The following PTH2R variants were observed in gnomAD, a reference collection of about 807,000 sequenced individuals.
PTH2R encodes the protein parathyroid hormone 2 receptor, also known as PTH2 receptor.
A neutral mutation model predicts 60.3 loss-of-function variants in PTH2R; 59 were observed. That is an observed-to-expected ratio of 0.98 (90% confidence interval 0.79 to 1.22). The LOEUF (loss-of-function observed/expected upper bound fraction) is 1.22. Among genes scored for constraint, PTH2R ranks in the 50% most tolerant of loss-of-function variants. The probability of loss-of-function intolerance (pLI) is 0.00; values close to 1 mark genes in which losing one functional copy is unlikely to be tolerated. For synonymous variants in PTH2R, 256 were observed against 243.8 expected, an observed-to-expected ratio of 1.05 and a Z score of -0.47; for missense variants, 749 against 682.6, an observed-to-expected ratio of 1.10 and a Z score of -1.08.
At chr2:208,366,931 C>T in intron 1 of PTH2R, among the ~76,000 whole-genome samples, 1 of 152,122 alleles carries the variant, frequency 6.6e-6, no homozygotes, top group Non-Finnish European at 1.5e-5. Flanking sequence ...CAGCTGTAAC[C>T]AAGCCAACTG....
At chr2:208,460,496 A>G (rs562717655) in intron 9 of PTH2R, among the ~76,000 whole-genome samples, 1 of 152,280 alleles carries the variant, frequency 6.6e-6, no homozygotes, top group South Asian at 2.1e-4. Context: ...GATAGAATTG[A>G]AAGTAATGGC....
intron 1 of PTH2R, among the ~76,000 whole-genome samples, chr2:208,408,575 C>T (rs1333662648): frequency 2.6e-5 from 4 of 151,772 alleles, no homozygotes; most frequent in South Asian, 2.1e-4. Context: ...GCCTGTAATC[C>T]CAGAACTTTG....
At chr2:208,396,232 A>C (rs1701204934) in intron 1 of PTH2R, among the ~76,000 whole-genome samples, 1 of 152,230 alleles carries the variant, frequency 6.6e-6, no homozygotes, top group African/African-American at 2.4e-5. Flanking sequence ...AGGCAATACC[A>C]TTCAGGACAT....
chr2:208,464,159 C>T (rs535685581), intron 9 of PTH2R, among the ~76,000 whole-genome samples: 20 of 152,206 alleles, frequency 1.3e-4, no homozygotes, highest in African/African-American at 4.3e-4. Flanking sequence ...TAAGCTCTCA[C>T]TTTTGTAATT....
chr2:208,479,465 C>T (rs1703095519), intron 9 of PTH2R, among the ~76,000 whole-genome samples: 1 of 152,240 alleles, frequency 6.6e-6, no homozygotes, highest in Admixed American at 6.5e-5. Flanking sequence ...TCCCCAATAT[C>T]TTCACCTCAG....
In PTH2R at chr2:208,464,899, AT is replaced by A. The variant is rs1312890152; in HGVS notation, c.981+4947del. 4.0e-5 allele frequency among the ~76,000 whole-genome samples: 6 copies of A among 151,160 alleles called. No individual in the cohort carries two copies. In the Middle Eastern group the frequency reaches 0.01, roughly 259 times the overall value. The stretch of plus-strand genomic sequence containing the variant: ...TCACACTCATACTAACAGGGTACAC[AT>A]TTTTTTTTCTCTCCACATCCTAGCT... On this transcript the variant is annotated intron_variant, in intron 9 of 12. Transcript: ENST00000272847.
chr2:208,359,941 C>G (rs1700411822), exon 1 of PTH2R: 2 of 245,134 alleles, frequency 8.2e-6, no homozygotes, highest in South Asian at 8.3e-5. Context: ...GGCGCCCAGT[C>G]ACTTCCTCCA....
chr2:208,374,533 C>G (rs1053718467), intron 1 of PTH2R, among the ~76,000 whole-genome samples: 1 of 152,048 alleles, frequency 6.6e-6, no homozygotes, highest in South Asian at 2.1e-4. Flanking sequence ...GATGGAGTTT[C>G]ATTCTTGTCG....
At chr2:208,417,589 C>T (rs1234018910) in intron 1 of PTH2R, among the ~76,000 whole-genome samples, 2 of 118,864 alleles carry the variant, frequency 1.7e-5, no homozygotes, top group East Asian at 6.0e-4. Flanking sequence ...GTCTCACCCT[C>T]TCGCCCAGGC....
chr2:208,482,191 A>C (rs1703167750), intron 10 of PTH2R, among the ~76,000 whole-genome samples: 1 of 152,140 alleles, frequency 6.6e-6, no homozygotes, highest in African/African-American at 2.4e-5. Flanking sequence ...GTCCTCGTTG[A>C]TTTAGTCCTC....
At chr2:208,479,764 G>A (rs979430369) in intron 9 of PTH2R, among the ~76,000 whole-genome samples, 5 of 152,144 alleles carry the variant, frequency 3.3e-5, no homozygotes, top group Non-Finnish European at 7.4e-5. Context: ...ACATAGACCT[G>A]GTTCAAATTC....
At chr2:208,466,116 C>T (rs1407595849) in intron 9 of PTH2R, 2 of 152,146 alleles carry the variant, frequency 1.3e-5, no homozygotes, top group Non-Finnish European at 2.9e-5. Context: ...TACTTAGGTG[C>T]CTTTTGACTC....
At chr2:208,442,816 A>G (rs1702213309) in intron 5 of PTH2R, among the ~76,000 whole-genome samples, 1 of 152,186 alleles carries the variant, frequency 6.6e-6, no homozygotes, top group African/African-American at 2.4e-5. Flanking sequence ...ACCAGCACAT[A>G]AAGAAATAGT....
At position 208,369,366 on chromosome 2, in the gene PTH2R, C is replaced by CTTTTTTTTTTTTTTTTT. The variant is rs34110985; in HGVS notation, c.-259+9130_-259+9131insTTTTTTTTTTTTTTTTT. On this transcript the variant is annotated intron_variant, in intron 1 of 12. Transcript: ENST00000617735. ...TTGTCTGTAAACAACACTGGTCTCT[C>CTTTTTTTTTTTTTTTTT]TCTCTTTTTTTTTTTTTTTAGAAGG... Among the ~76,000 whole-genome samples, 2 of 135,074 alleles carry CTTTTTTTTTTTTTTTTT rather than the reference C, an allele frequency of 1.5e-5. 1 individual carries two copies. The allele number at this position is 135,074 out of a possible 152,430, so 88.6% of individuals were successfully genotyped here. A position where few individuals can be genotyped will look rare whatever the true frequency, so the allele number is the denominator to read the frequency against.
chr2:208,487,517 C>A (rs536471029), intron 10 of PTH2R, among the ~76,000 whole-genome samples: 41 of 152,328 alleles, frequency 2.7e-4, no homozygotes, highest in Non-Finnish European at 4.9e-4. Flanking sequence ...TAACCTCACC[C>A]ACTCCAGGAA....
At chr2:208,395,088 C>T (rs181189584) in intron 1 of PTH2R, among the ~76,000 whole-genome samples, 9 of 151,646 alleles carry the variant, frequency 5.9e-5, no homozygotes, top group African/African-American at 2.2e-4. Flanking sequence ...TGCTCTGTTG[C>T]CCAGGCTGGA....
Position 208,481,184 on chromosome 2 carries a change from C to T in PTH2R, c.1076+20C>T, listed in dbSNP as rs997072489. 6.7e-7 allele frequency: 1 copy of T among 1,496,502 alleles called. No homozygotes were observed. Among genetic ancestry groups the T allele is most frequent in the Non-Finnish European group, 9.2e-7 (1 of 1,089,572 alleles). 92.7% of individuals were successfully genotyped at this position (1,496,502 alleles called of 1,614,324 possible). The stretch of plus-strand genomic sequence containing the variant: ...ATACAGGTAATTTCAGGAGAGGCAT[C>T]CATCAGAGGAAATATTTTGGTTACT... On this transcript the variant is annotated intron_variant, in intron 10 of 12. Transcript: ENST00000272847.
chr2:208,471,791 A>C (rs984091542), intron 9 of PTH2R, among the ~76,000 whole-genome samples: 13 of 152,270 alleles, frequency 8.5e-5, no homozygotes, highest in African/African-American at 3.1e-4. Flanking sequence ...AACAACTTGC[A>C]CCATGTGCCT....
intron 1 of PTH2R, among the ~76,000 whole-genome samples, chr2:208,413,951 T>C (rs1227969778): frequency 2.0e-5 from 3 of 152,172 alleles, no homozygotes. Context: ...GGAGAGTTTT[T>C]GTGTTTGTTC....
Sources: gnomAD v4.1 joint callset for allele counts (sites outside exome capture counted in the v4.1 genomes callset) on GRCh38, gnomAD v4.1.1 for gene constraint, MANE v1.5 for transcripts, NCBI Gene and HGNC (gene_info 2026-07-23, HGNC 2026-07-21) for gene names.